GABRG3: variants seen among roughly 807,000 people sequenced by gnomAD.
The protein encoded by GABRG3 is gamma-aminobutyric acid receptor subunit gamma-3.
GABRG3 carries 25 observed loss-of-function variants against 48.8 expected under a neutral mutation model. The observed-to-expected ratio is 0.51, with a 90% CI of 0.37 to 0.72. The LOEUF (loss-of-function observed/expected upper bound fraction) is 0.72. Among genes scored for constraint, GABRG3 ranks in the 30% least tolerant of loss-of-function variants. GABRG3 has a pLI of 0.00. For synonymous variants in GABRG3, 227 were observed against 217.6 expected, an observed-to-expected ratio of 1.04 and a Z score of -0.38; for missense variants, 394 against 577.9, an observed-to-expected ratio of 0.68 and a Z score of 3.26.
intron 3 of GABRG3, among the ~76,000 whole-genome samples, chr15:27,161,495 CT>C (rs1344005611): frequency 6.6e-6 from 1 of 152,192 alleles, no homozygotes; most frequent in Non-Finnish European, 1.5e-5. Context: ...TTTAATGATG[CT>C]TTTTGATGAA....
At chr15:27,456,369 A>T (rs1160496480) in intron 5 of GABRG3, among the ~76,000 whole-genome samples, 1 of 152,192 alleles carries the variant, frequency 6.6e-6, no homozygotes, top group African/African-American at 2.4e-5. Context: ...CTAATTCCCA[A>T]GAGTCGCTGA....
chr15:27,197,729 G>A (rs576425060), intron 3 of GABRG3, among the ~76,000 whole-genome samples: 7 of 152,212 alleles, frequency 4.6e-5, no homozygotes, highest in Admixed American at 1.3e-4. Context: ...CTGTGAATCT[G>A]TCTCGTCCTG....
At chr15:27,003,063 T>A (rs979379370) in intron 2 of GABRG3, among the ~76,000 whole-genome samples, 8 of 151,918 alleles carry the variant, frequency 5.3e-5, no homozygotes, top group African/African-American at 1.9e-4. Context: ...TAAATATGTT[T>A]TCTTCAAGCT....
intron 2 of GABRG3, among the ~76,000 whole-genome samples, chr15:27,019,071 T>C (rs1396563426): frequency 4.7e-5 from 6 of 127,834 alleles, no homozygotes; most frequent in Admixed American, 1.6e-4. Flanking sequence ...TTTTTTTTTT[T>C]TTTTTTTTTT....
At chr15:27,409,062 T>A (rs1255529215) in intron 5 of GABRG3, among the ~76,000 whole-genome samples, 1 of 152,166 alleles carries the variant, frequency 6.6e-6, no homozygotes, top group African/African-American at 2.4e-5. Context: ...CTGTAGCTTA[T>A]CTTTTTATCC....
intron 3 of GABRG3, among the ~76,000 whole-genome samples, chr15:27,194,164 A>G (rs1015601073): frequency 6.6e-6 from 1 of 152,238 alleles, no homozygotes; most frequent in Non-Finnish European, 1.5e-5. Flanking sequence ...AGTAATGTGT[A>G]GAAACTTTAC....
chr15:27,254,316 G>C (rs534952417), intron 3 of GABRG3, among the ~76,000 whole-genome samples: 4 of 152,156 alleles, frequency 2.6e-5, no homozygotes, highest in African/African-American at 9.7e-5. Context: ...TCGAGAAGGC[G>C]CAGGGGAGAG....
At chr15:27,233,138 C>A (rs1889851544) in intron 3 of GABRG3, among the ~76,000 whole-genome samples, 1 of 152,062 alleles carries the variant, frequency 6.6e-6, no homozygotes, top group Admixed American at 6.5e-5. Context: ...CATGTGAGAG[C>A]CTTGGCTCAC....
At chr15:27,493,562 T>G (rs1301294682) in intron 6 of GABRG3, among the ~76,000 whole-genome samples, 1 of 152,168 alleles carries the variant, frequency 6.6e-6, no homozygotes, top group Non-Finnish European at 1.5e-5. Context: ...ACAAGTGGGT[T>G]TTTTAATCAA....
chr15:27,260,623 A>G (rs1890741604), intron 3 of GABRG3, among the ~76,000 whole-genome samples: 1 of 152,176 alleles, frequency 6.6e-6, no homozygotes, highest in East Asian at 1.9e-4. Context: ...GAGCATCTGT[A>G]GATTTTGGTG....
At chr15:27,458,294 T>C (rs2150834307) in intron 5 of GABRG3, among the ~76,000 whole-genome samples, 1 of 152,356 alleles carries the variant, frequency 6.6e-6, no homozygotes, top group Middle Eastern at 3.4e-3. Flanking sequence ...ATAAATTGTA[T>C]TGGCCTTGAC....
intron 5 of GABRG3, among the ~76,000 whole-genome samples, chr15:27,476,682 T>G (rs533970484): frequency 5.5e-4 from 83 of 152,288 alleles, no homozygotes; most frequent in African/African-American, 1.9e-3. Context: ...AATATACCTG[T>G]GGCACATCAT....
intron 3 of GABRG3, among the ~76,000 whole-genome samples, chr15:27,127,546 G>A (rs1897842715): frequency 6.6e-6 from 1 of 152,028 alleles, no homozygotes; most frequent in Admixed American, 6.6e-5. Context: ...TAGGCAGAAA[G>A]CACAGCTTCT....
intron 9 of GABRG3, among the ~76,000 whole-genome samples, chr15:27,528,730 G>A (rs149066435): frequency 6.6e-6 from 1 of 151,896 alleles, no homozygotes; most frequent in Admixed American, 6.6e-5. Context: ...GTTTATTTTT[G>A]ATTTGCATTT....
intron 3 of GABRG3, among the ~76,000 whole-genome samples, chr15:27,315,021 A>G (rs1346175445): frequency 6.6e-6 from 1 of 152,228 alleles, no homozygotes; most frequent in African/African-American, 2.4e-5. Flanking sequence ...TAAAAAGTGT[A>G]TCATACGCTT....
chr15:27,171,887 G>A (rs866503198), intron 3 of GABRG3, among the ~76,000 whole-genome samples: 4 of 152,288 alleles, frequency 2.6e-5, no homozygotes, highest in Non-Finnish European at 4.4e-5. Context: ...AAGAAAAGCT[G>A]TCTATTTGGC....
chr15:27,228,312 G>A (rs1366851452), intron 3 of GABRG3, among the ~76,000 whole-genome samples: 3 of 152,152 alleles, frequency 2.0e-5, no homozygotes, highest in Admixed American at 6.5e-5. Flanking sequence ...GAGAACATAC[G>A]GTATCTGGTT....
At chr15:27,350,426 T>G (rs1444334773) in intron 5 of GABRG3, 1 of 325,912 alleles carries the variant, frequency 3.1e-6, no homozygotes, top group East Asian at 7.6e-5. Context: ...TTCTTTGTTT[T>G]TTCAAATGGA....
chr15:27,437,271 A>T (rs1003060166), intron 5 of GABRG3, among the ~76,000 whole-genome samples: 8 of 152,234 alleles, frequency 5.3e-5, no homozygotes, highest in African/African-American at 1.7e-4. Context: ...AAACAAGTTT[A>T]TATGTTTTAG....
Sources: allele counts gnomAD v4.1 joint callset (sites outside exome capture counted in the v4.1 genomes callset), GRCh38; gene constraint gnomAD v4.1.1; transcripts MANE v1.5; gene names NCBI Gene and HGNC (gene_info 2026-07-23, HGNC 2026-07-21).